The following GRIK4 variants were observed in gnomAD, a reference collection of about 807,000 sequenced individuals.
GRIK4 encodes the protein glutamate ionotropic receptor kainate type subunit 4, also known as glutamate receptor ionotropic, kainate 4.
A neutral mutation model predicts 104.9 loss-of-function variants in GRIK4; 40 were observed. The ratio of observed to expected loss-of-function variants is 0.38; its 90% CI spans 0.30 to 0.50. The LOEUF is 0.50. Ranked by LOEUF, GRIK4 falls within the 20% of genes least tolerant of loss-of-function variation. The probability of loss-of-function intolerance (pLI) is 0.93; values close to 1 mark genes in which losing one functional copy is unlikely to be tolerated. For synonymous variants in GRIK4, 485 were observed against 524.9 expected (o/e 0.92, Z 1.04); for missense variants, 1,047 against 1,308.1 (o/e 0.80, Z 3.08).
chr11:120,604,652 A>G (rs1029367265), intron 1 of GRIK4, among the ~76,000 whole-genome samples: 3 of 152,254 alleles, frequency 2.0e-5, no homozygotes, highest in Non-Finnish European at 2.9e-5. Context: ...GCCCTGTCCC[A>G]GGAAGGGGCC....
chr11:120,554,121 G>T (rs966965689), intron 1 of GRIK4, among the ~76,000 whole-genome samples: 3 of 152,006 alleles, frequency 2.0e-5, no homozygotes, highest in Non-Finnish European at 1.5e-5. Flanking sequence ...GCCCTGTGCT[G>T]TAGGCACCCA....
At chr11:120,980,210 T>C (rs1321577209) in intron 19 of GRIK4, among the ~76,000 whole-genome samples, 1 of 152,192 alleles carries the variant, frequency 6.6e-6, no homozygotes, top group African/African-American at 2.4e-5. Flanking sequence ...CAGCAGTCAC[T>C]TGGGGACTCC....
chr11:120,718,080 G>A lies in GRIK4; in HGVS notation c.82+57680G>A, dbSNP rs188283387. Among the ~76,000 whole-genome samples, 93 of 152,310 alleles carry A rather than the reference G, an allele frequency of 6.1e-4. No individual in the cohort carries two copies. The Middle Eastern group carries it at 0.014, about 22-fold the overall frequency. Reference sequence around the variant, plus strand: ...ACCTGATTCCAGGAAAGGATCATAAGTCCATTTGCTTGTTGCTTTGGGTGC... The same window carrying A: ...ACCTGATTCCAGGAAAGGATCATAAATCCATTTGCTTGTTGCTTTGGGTGC... On this transcript the variant is annotated intron_variant, in intron 3 of 20. Coordinates refer to ENST00000527524, the MANE Select transcript of GRIK4 (RefSeq NM_014619.5).
At chr11:120,664,285 G>A (rs1212069503) in intron 3 of GRIK4, among the ~76,000 whole-genome samples, 1 of 152,218 alleles carries the variant, frequency 6.6e-6, no homozygotes, top group Non-Finnish European at 1.5e-5. Context: ...GGAATGGGCT[G>A]AAGATCCTGG....
intron 19 of GRIK4, among the ~76,000 whole-genome samples, chr11:120,975,043 T>C (rs1280867388): frequency 6.6e-6 from 1 of 152,206 alleles, no homozygotes. Context: ...GGAAATTAAA[T>C]ACCTTTATCT....
intron 8 of GRIK4, chr11:120,859,491 G>A (rs1341326441): frequency 1.3e-5 from 2 of 152,124 alleles, no homozygotes; most frequent in African/African-American, 4.8e-5. Context: ...CTTAAAATGA[G>A]CCTTCATCCA....
intron 12 of GRIK4, among the ~76,000 whole-genome samples, chr11:120,904,519 T>C (rs1483652189): frequency 1.3e-5 from 2 of 152,252 alleles, no homozygotes; most frequent in Non-Finnish European, 2.9e-5. Context: ...TTAGTATTCC[T>C]TACTCGCAGC....
chr11:120,707,403 T>C (rs376435194), intron 3 of GRIK4, among the ~76,000 whole-genome samples: 1 of 152,196 alleles, frequency 6.6e-6, no homozygotes, highest in East Asian at 1.9e-4. Flanking sequence ...AATTCTGAAC[T>C]CTGTCCCCCA....
chr11:120,852,648 T>C (rs1954000167), intron 8 of GRIK4, among the ~76,000 whole-genome samples: 1 of 152,206 alleles, frequency 6.6e-6, no homozygotes, highest in South Asian at 2.1e-4. Context: ...GCCTCCCAGC[T>C]GCTACTGTCT....
At chr11:120,966,721 G>A (rs1944390290) in intron 18 of GRIK4, among the ~76,000 whole-genome samples, 1 of 152,140 alleles carries the variant, frequency 6.6e-6, no homozygotes, top group Admixed American at 6.6e-5. Context: ...CTGACTAAAA[G>A]GTTTGTGTCA....
intron 6 of GRIK4, among the ~76,000 whole-genome samples, chr11:120,828,315 A>G (rs1953323597): frequency 6.6e-6 from 1 of 152,150 alleles, no homozygotes; most frequent in African/African-American, 2.4e-5. Flanking sequence ...CGTGCTCTCA[A>G]ATACTTTCTA....
At chr11:120,927,354 G>A (rs1445762053) in intron 13 of GRIK4, among the ~76,000 whole-genome samples, 1 of 151,206 alleles carries the variant, frequency 6.6e-6, no homozygotes, top group Non-Finnish European at 1.5e-5. Context: ...ATCACTTGAG[G>A]TCAGAAGTTC....
intron 9 of GRIK4, chr11:120,870,140 G>A (rs1254314119): frequency 6.6e-6 from 1 of 152,212 alleles, no homozygotes; most frequent in Non-Finnish European, 1.5e-5. Flanking sequence ...CATTGTTTCA[G>A]TGGGGTCACT....
chr11:120,589,159 G>A (rs962461389), intron 1 of GRIK4, among the ~76,000 whole-genome samples: 1 of 152,138 alleles, frequency 6.6e-6, no homozygotes, highest in African/African-American at 2.4e-5. Flanking sequence ...CCAAGCTGAA[G>A]GCAGTAGTGG....
intron 6 of GRIK4, among the ~76,000 whole-genome samples, chr11:120,829,793 G>A (rs1178281196): frequency 6.6e-6 from 1 of 152,160 alleles, no homozygotes; most frequent in Non-Finnish European, 1.5e-5. Context: ...AGCCAAGGAG[G>A]GCTGACCCTG....
intron 3 of GRIK4, among the ~76,000 whole-genome samples, chr11:120,703,542 ACAGGAGTAAGGGTGAGGACC>A (rs1315119221): frequency 5.9e-5 from 9 of 151,826 alleles, no homozygotes; most frequent in Admixed American, 2.6e-4. Flanking sequence ...GGTTGGGCTT[ACAGGAGTAAGGGTGAGGACC>A]CAGGAGTAAG....
chr11:120,694,729 G>A (rs1950414633), intron 3 of GRIK4, among the ~76,000 whole-genome samples: 3 of 152,128 alleles, frequency 2.0e-5, no homozygotes, highest in Admixed American at 2.0e-4. Context: ...AGCTCCAGGG[G>A]GCCTGGGAGA....
At chr11:120,793,157 G>C (rs1385099220) in intron 3 of GRIK4, among the ~76,000 whole-genome samples, 1 of 152,176 alleles carries the variant, frequency 6.6e-6, no homozygotes, top group Non-Finnish European at 1.5e-5. Flanking sequence ...AATGAATATT[G>C]ATGTTGACTT....
chr11:120,581,689 G>C (rs1948582774), intron 1 of GRIK4, among the ~76,000 whole-genome samples: 1 of 151,666 alleles, frequency 6.6e-6, no homozygotes, highest in South Asian at 2.1e-4. Context: ...GCTTATTTCA[G>C]TTATCATAAT....
Sources: gnomAD v4.1 joint callset for allele counts (sites outside exome capture counted in the v4.1 genomes callset) on GRCh38, gnomAD v4.1.1 for gene constraint, MANE v1.5 for transcripts, NCBI Gene and HGNC (gene_info 2026-07-23, HGNC 2026-07-21) for gene names.